Variants in CYB5B observed in about 807,000 individuals in gnomAD.
CYB5B encodes cytochrome b5 type B.
Under a neutral mutation model 21.3 loss-of-function variants are expected in CYB5B, and 14 were observed. That is an observed-to-expected ratio of 0.66 (90% CI 0.43 to 1.03). The LOEUF is 1.03. CYB5B is among the 50% of genes least tolerant of loss of function. The probability of loss-of-function intolerance (pLI) is 0.00; values close to 1 mark genes in which losing one functional copy is unlikely to be tolerated. For synonymous variants in CYB5B, 69 were observed against 68.4 expected, an observed-to-expected ratio of 1.01 and a Z score of -0.04; for missense variants, 166 against 185.1, an observed-to-expected ratio of 0.90 and a Z score of 0.60.
intron 1 of CYB5B, among the ~76,000 whole-genome samples, chr16:69,425,537 T>C (rs2014635562): frequency 6.6e-6 from 1 of 152,312 alleles, no homozygotes; most frequent in South Asian, 2.1e-4. Flanking sequence ...ATGGTGCAAC[T>C]AATTTTTTTT....
intron 1 of CYB5B, among the ~76,000 whole-genome samples, chr16:69,432,549 ATACAAATATG>A (rs2014716827): frequency 6.6e-6 from 1 of 152,230 alleles, no homozygotes; most frequent in Non-Finnish European, 1.5e-5. Context: ...ATACTTATAT[ATACAAATATG>A]TACAAATATA....
intron 1 of CYB5B, among the ~76,000 whole-genome samples, chr16:69,439,426 G>A (rs1370192214): frequency 6.6e-6 from 1 of 152,132 alleles, no homozygotes; most frequent in Non-Finnish European, 1.5e-5. Context: ...GGCCAGGATG[G>A]TCTGGAACTC....
chr16:69,439,497 C>T (rs2014797611), intron 1 of CYB5B, among the ~76,000 whole-genome samples: 2 of 151,358 alleles, frequency 1.3e-5, no homozygotes, highest in South Asian at 4.2e-4. Context: ...TTGTGAGCCA[C>T]CACGCCCGGC....
At chr16:69,461,237 C>A (rs1006346300) in intron 4 of CYB5B, among the ~76,000 whole-genome samples, 1 of 151,592 alleles carries the variant, frequency 6.6e-6, no homozygotes, top group Non-Finnish European at 1.5e-5. Context: ...AAGAAATTTT[C>A]TCCTTCAATG....
At position 69,464,957 on chromosome 16, in the gene CYB5B, T is replaced by C. The variant is rs2015073531; in HGVS notation, c.*2437T>C. 1 of 152,654 alleles carries C rather than the reference T, an allele frequency of 6.6e-6. No individual in the cohort carries two copies. Among genetic ancestry groups the C allele is most frequent in the Non-Finnish European group, 1.5e-5 (1 of 68,038 alleles). The allele number at this position is 152,654 out of a possible 1,614,324, so 9.5% of individuals were successfully genotyped here. ...CCTACAAAAACAGCCAGGTGAAAGCTAAATCTTGTGTGAGAGTTTGCAGAG... is the reference window on the plus strand; with the variant it reads ...CCTACAAAAACAGCCAGGTGAAAGCCAAATCTTGTGTGAGAGTTTGCAGAG... On this transcript the variant is annotated 3_prime_UTR_variant, in exon 5 of 5. Coordinates refer to ENST00000307892, the MANE Select transcript of CYB5B (RefSeq NM_030579.3).
chr16:69,432,154 G>A (rs896536369), intron 1 of CYB5B, among the ~76,000 whole-genome samples: 3 of 152,174 alleles, frequency 2.0e-5, no homozygotes, highest in Admixed American at 2.0e-4. Context: ...AGGTCTGGTA[G>A]GTAGTTTGGA....
intron 1 of CYB5B, among the ~76,000 whole-genome samples, chr16:69,430,841 T>C (rs941532763): frequency 6.6e-6 from 1 of 151,104 alleles, no homozygotes; most frequent in South Asian, 2.1e-4. Context: ...GCCCGGCTAA[T>C]TTTTCTATTT....
intron 3 of CYB5B, among the ~76,000 whole-genome samples, chr16:69,456,148 A>C (rs933112137): frequency 6.6e-6 from 1 of 152,070 alleles, no homozygotes; most frequent in East Asian, 1.9e-4. Context: ...AAATATATTT[A>C]TTTATTTTTG....
At chr16:69,442,405 C>G (rs1436945600) in intron 1 of CYB5B, among the ~76,000 whole-genome samples, 1 of 152,130 alleles carries the variant, frequency 6.6e-6, no homozygotes, top group Non-Finnish European at 1.5e-5. Flanking sequence ...CCAGCACACA[C>G]ACTGCATTTT....
intron 3 of CYB5B, among the ~76,000 whole-genome samples, chr16:69,457,505 C>T (rs920764411): frequency 1.3e-5 from 2 of 152,038 alleles, no homozygotes; most frequent in Admixed American, 6.6e-5. Context: ...AATTATTTCT[C>T]GGTTACTGTA....
At chr16:69,435,391 T>G (rs1036719932) in intron 1 of CYB5B, among the ~76,000 whole-genome samples, 1 of 152,206 alleles carries the variant, frequency 6.6e-6, no homozygotes, top group Non-Finnish European at 1.5e-5. Flanking sequence ...TGGCAAGTGC[T>G]TTGAAGGATT....
At position 69,424,731 on chromosome 16, in the gene CYB5B, A is replaced by G; in HGVS notation, c.48A>G (p.Lys16=). The G allele has an allele frequency of 4.4e-6, 7 of 1,598,222 alleles. No individual in the cohort carries two copies. Among genetic ancestry groups the G allele is most frequent in the Non-Finnish European group, 6.0e-6 (7 of 1,172,632 alleles). The change falls in exon 1 of 5, where the codon AAA becomes AAG. Residue 16 remains lysine (K), a synonymous_variant. Transcript: ENST00000307892. ...ATAEASGSDG[K]GQEVETSVTY... ...CGGAAGCTAGCGGCAGCGATGGGAAAGGGCAGGAAGTCGAGACCTCAGTCA... is the reference window on the plus strand; with the variant it reads ...CGGAAGCTAGCGGCAGCGATGGGAAGGGGCAGGAAGTCGAGACCTCAGTCA...
At chr16:69,426,216 G>C (rs1364943846) in intron 1 of CYB5B, among the ~76,000 whole-genome samples, 1 of 151,514 alleles carries the variant, frequency 6.6e-6, no homozygotes, top group Non-Finnish European at 1.5e-5. Flanking sequence ...TGGCTAACAC[G>C]GCGAAACCCC....
intron 1 of CYB5B, among the ~76,000 whole-genome samples, chr16:69,428,649 C>T (rs763754167): frequency 7.0e-4 from 105 of 150,354 alleles, no homozygotes; most frequent in Middle Eastern, 3.4e-3. Flanking sequence ...AGTGAGACTC[C>T]GTCACAAATG....
chr16:69,454,497 A>C (rs755103908), intron 3 of CYB5B, among the ~76,000 whole-genome samples: 11 of 152,220 alleles, frequency 7.2e-5, no homozygotes, highest in Non-Finnish European at 1.0e-4. Context: ...TAGGTGGTAA[A>C]ATGAACCTAA....
At chr16:69,462,384 G>A in intron 4 of CYB5B, 46 bp from the exon 5 acceptor site, 1 of 1,446,728 alleles carries the variant, frequency 6.9e-7, no homozygotes, top group South Asian at 1.1e-5. Flanking sequence ...GTGAACATTT[G>A]GCTTAAAATA....
chr16:69,424,764 C>G lies in CYB5B; in HGVS notation c.81C>G (p.Tyr27Ter). 6.2e-7 allele frequency: 1 copy of G among 1,605,282 alleles called. No homozygotes were observed. Among genetic ancestry groups the G allele is most frequent in the South Asian group, 1.1e-5 (1 of 89,968 alleles). The change falls in exon 1 of 5, where the codon TAC (tyrosine) becomes TAG (stop). Residue 27 changes from tyrosine (Y) to a stop codon, truncating the protein, a stop_gained. Coordinates refer to ENST00000307892, the MANE Select transcript of CYB5B (RefSeq NM_030579.3). LOFTEE classifies it high-confidence loss of function. Reference sequence around the variant, plus strand: ...AAGTCGAGACCTCAGTCACCTATTACCGGTTGGAGGAGGTGGCAAAGCGCA... The same window carrying G: ...AAGTCGAGACCTCAGTCACCTATTAGCGGTTGGAGGAGGTGGCAAAGCGCA... The part of the protein sequence containing the change: ...GQEVETSVTY[Y>*]RLEEVAKRNS...
chr16:69,454,352 G>C (rs2014963575), intron 3 of CYB5B, among the ~76,000 whole-genome samples: 1 of 152,142 alleles, frequency 6.6e-6, no homozygotes, highest in African/African-American at 2.4e-5. Flanking sequence ...GAAAGAAATG[G>C]TTCTTACTGA....
At chr16:69,440,745 C>CGTGTGTATGTGTGTGTGTGT (rs1555509704) in intron 1 of CYB5B, among the ~76,000 whole-genome samples, 5 of 146,318 alleles carry the variant, frequency 3.4e-5, no homozygotes, top group African/African-American at 5.2e-5. Flanking sequence ...GTGTGTGTTG[C>CGTGTGTATGTGTGTGTGTGT]GTGTGTGTGT....
Sources: allele counts gnomAD v4.1 joint callset (sites outside exome capture counted in the v4.1 genomes callset), GRCh38; gene constraint gnomAD v4.1.1; transcripts MANE v1.5; gene names NCBI Gene and HGNC (gene_info 2026-07-23, HGNC 2026-07-21).